ULK4: variants seen among roughly 807,000 people sequenced by gnomAD.
ULK4 encodes unc-51 like kinase 4.
In ULK4, 133 loss-of-function variants were observed where a neutral mutation model predicts 160.6. That is an observed-to-expected ratio of 0.83 (90% CI 0.72 to 0.96). ULK4 has a LOEUF of 0.96. Ranked by LOEUF, ULK4 falls within the 40% of genes least tolerant of loss-of-function variation. The pLI is 0.00. For missense variants in ULK4, 1,580 were observed against 1,499.5 expected (o/e 1.05, Z -0.89); for synonymous variants, 534 against 539.8 (o/e 0.99, Z 0.15).
chr3:41,328,382 C>T (rs1390002827), intron 35 of ULK4, among the ~76,000 whole-genome samples: 3 of 152,074 alleles, frequency 2.0e-5, no homozygotes, highest in Non-Finnish European at 2.9e-5. Flanking sequence ...TTCTGACCAA[C>T]GCATTTTCAG....
intron 34 of ULK4, among the ~76,000 whole-genome samples, chr3:41,425,561 A>T (rs1477641109): frequency 6.6e-6 from 1 of 152,236 alleles, no homozygotes; most frequent in African/African-American, 2.4e-5. Context: ...GGTCACCTAC[A>T]AAGGGAAGCC....
intron 35 of ULK4, among the ~76,000 whole-genome samples, chr3:41,330,649 T>C (rs1470707600): frequency 2.0e-5 from 3 of 152,138 alleles, no homozygotes; most frequent in African/African-American, 2.4e-5. Context: ...TCTAAAAATA[T>C]CCAAAGAACC....
At chr3:41,260,667 C>A (rs889647096) in intron 35 of ULK4, among the ~76,000 whole-genome samples, 27 of 152,288 alleles carry the variant, frequency 1.8e-4, no homozygotes, top group African/African-American at 6.5e-4. Flanking sequence ...AAGGGGGTAA[C>A]AGTTGGAACT....
intron 21 of ULK4, among the ~76,000 whole-genome samples, chr3:41,785,385 G>C (rs73071343): frequency 0.12 from 18,847 of 152,176 alleles, 1,345 homozygotes; most frequent in Middle Eastern, 0.26. Flanking sequence ...CAGAAAACTA[G>C]AAAGAGATAA....
intron 31 of ULK4, among the ~76,000 whole-genome samples, chr3:41,569,681 T>A (rs1258068329): frequency 3.9e-5 from 6 of 152,170 alleles, no homozygotes; most frequent in Non-Finnish European, 8.8e-5. Flanking sequence ...CTATTTATAT[T>A]GCCTTTTACA....
chr3:41,438,917 C>T lies in ULK4; in HGVS notation c.3492+16580G>A, dbSNP rs1483711508. Among the ~76,000 whole-genome samples the T allele has an allele frequency of 4.0e-5, 6 of 150,866 alleles. No individual in the cohort carries two copies. In the South Asian group the frequency reaches 1.3e-3, roughly 32 times the overall value. On this transcript the variant is annotated intron_variant, in intron 34 of 36. Transcript: ENST00000301831. ...AAAAGAGATGTAAAGCTCCCTAATT[C>T]ATTCCATATGGTTAGCATAATCCTT...
rs1351824455 is a variant in ULK4 at position 41,907,954 on chromosome 3, A to C, written c.1086-13T>G. 1.3e-6 allele frequency: 2 copies of C among 1,569,154 alleles called. No individual in the cohort carries two copies. Among genetic ancestry groups the C allele is most frequent in the Non-Finnish European group, 1.7e-6 (2 of 1,153,886 alleles). Reference sequence around the variant, plus strand: ...AGTAGGACGAGAACTGAAAAATACAAACCAGTTAACATTATTCAATTCCAG... The same window carrying C: ...AGTAGGACGAGAACTGAAAAATACACACCAGTTAACATTATTCAATTCCAG... On this transcript the variant is annotated splice_polypyrimidine_tract_variant and intron_variant, in intron 11 of 36. Transcript: ENST00000301831.
chr3:41,294,964 T>C (rs1269860834), intron 35 of ULK4, among the ~76,000 whole-genome samples: 1 of 152,192 alleles, frequency 6.6e-6, no homozygotes, highest in East Asian at 1.9e-4. Context: ...AAAAGTTATA[T>C]GGAGAGATAA....
At chr3:41,630,629 C>A (rs544655170) in intron 30 of ULK4, among the ~76,000 whole-genome samples, 1 of 152,294 alleles carries the variant, frequency 6.6e-6, no homozygotes, top group South Asian at 2.1e-4. Context: ...TCCCTCATAA[C>A]AGCACTAAAT....
intron 30 of ULK4, among the ~76,000 whole-genome samples, chr3:41,659,305 C>T (rs558342155): frequency 4.0e-4 from 61 of 152,190 alleles, no homozygotes; most frequent in Middle Eastern, 6.8e-3. Context: ...AGCAAAAATA[C>T]GGAACCCAGA....
At chr3:41,320,132 C>G (rs1044137799) in intron 35 of ULK4, among the ~76,000 whole-genome samples, 5 of 152,130 alleles carry the variant, frequency 3.3e-5, no homozygotes, top group Middle Eastern at 3.2e-3. Flanking sequence ...CTGCTGTTTA[C>G]TGGTTATGTG....
intron 34 of ULK4, among the ~76,000 whole-genome samples, chr3:41,411,603 T>C (rs1575527327): frequency 1.3e-5 from 2 of 151,898 alleles, no homozygotes; most frequent in East Asian, 3.9e-4. Context: ...CATCTAATTT[T>C]TGTATTTTTA....
intron 20 of ULK4, among the ~76,000 whole-genome samples, chr3:41,797,808 C>A (rs912115400): frequency 6.6e-6 from 1 of 151,764 alleles, no homozygotes; most frequent in Non-Finnish European, 1.5e-5. Context: ...TTGCAGTGAG[C>A]CAAGATCACA....
intron 35 of ULK4, among the ~76,000 whole-genome samples, chr3:41,290,755 C>G (rs2079543803): frequency 6.6e-6 from 1 of 152,236 alleles, no homozygotes; most frequent in South Asian, 2.1e-4. Flanking sequence ...TACACGTATG[C>G]TCATAAGCTG....
chr3:41,888,053 G>A (rs906442836), intron 16 of ULK4, among the ~76,000 whole-genome samples: 4 of 151,872 alleles, frequency 2.6e-5, no homozygotes, highest in Non-Finnish European at 5.9e-5. Context: ...ACATGCACCT[G>A]TAGTCCCATT....
intron 14 of ULK4, among the ~76,000 whole-genome samples, chr3:41,897,843 A>G (rs1698218061): frequency 6.6e-6 from 1 of 152,182 alleles, no homozygotes; most frequent in African/African-American, 2.4e-5. Context: ...ACGATGAATA[A>G]TTTTCCCCAA....
At position 41,305,658 on chromosome 3, in the gene ULK4, G is replaced by A. The variant is rs1575414970; in HGVS notation, c.3679-56084C>T. 5.3e-5 allele frequency among the ~76,000 whole-genome samples: 8 copies of A among 152,114 alleles called. No individual in the cohort carries two copies. The South Asian group carries it at 1.7e-3, about 32-fold the overall frequency. ...GGCTGCCACCCCGTCTGGGAAGTGA[G>A]GAGCGTCTCTGCCTGGCCGCCCATC... On this transcript the variant is annotated intron_variant, in intron 35 of 36. Coordinates refer to ENST00000301831, the MANE Select transcript of ULK4 (RefSeq NM_017886.4).
chr3:41,248,757 G>C (rs1267955765), intron 36 of ULK4, among the ~76,000 whole-genome samples: 4 of 152,234 alleles, frequency 2.6e-5, no homozygotes, highest in Non-Finnish European at 5.9e-5. Context: ...TTCTCCCCAG[G>C]GTGGGGAAAT....
chr3:41,495,822 GA>G (rs1468250084), intron 32 of ULK4, among the ~76,000 whole-genome samples: 1 of 151,634 alleles, frequency 6.6e-6, no homozygotes, highest in African/African-American at 2.4e-5. Flanking sequence ...AAAGACACAT[GA>G]AAAAATGCTC....
Sources: gnomAD v4.1 joint callset for allele counts (sites outside exome capture counted in the v4.1 genomes callset) on GRCh38, gnomAD v4.1.1 for gene constraint, MANE v1.5 for transcripts, NCBI Gene and HGNC (gene_info 2026-07-23, HGNC 2026-07-21) for gene names.